The following CASD1 variants were observed in gnomAD, a reference collection of about 807,000 sequenced individuals.
CASD1 encodes CAS1 domain sialic acid O acetyltransferase 1.
Under a neutral mutation model 100.0 loss-of-function variants are expected in CASD1, and 41 were observed. The observed-to-expected ratio is 0.41, with a 90% CI of 0.32 to 0.53. The LOEUF (loss-of-function observed/expected upper bound fraction) is 0.53, where lower values mean the gene tolerates loss of function less well. CASD1 is among the 20% of genes least tolerant of loss of function. The probability of loss-of-function intolerance (pLI) is 0.25; values close to 1 mark genes in which losing one functional copy is unlikely to be tolerated. For missense variants in CASD1, 774 were observed against 948.7 expected (o/e 0.82, Z 2.42); for synonymous variants, 321 against 315.6 (o/e 1.02, Z -0.18).
At chr7:94,588,671 A>T in the CASD1 span, 1 of 1,580,758 alleles carries the variant, frequency 6.3e-7, no homozygotes, top group African/African-American at 1.3e-5. Flanking sequence ...ACATTAATTT[A>T]TTATTCTTAG....
chr7:94,614,516 G>A, the CASD1 span, among the ~76,000 whole-genome samples: 4 of 152,238 alleles, frequency 2.6e-5, no homozygotes, highest in South Asian at 4.1e-4. Flanking sequence ...TCCACACTAA[G>A]TAGAGTTCTG....
At chr7:94,582,856 T>G in the CASD1 span, among the ~76,000 whole-genome samples, 2 of 152,230 alleles carry the variant, frequency 1.3e-5, no homozygotes, top group African/African-American at 4.8e-5. Context: ...CTATGTCTAA[T>G]TTGGCTCACC....
chr7:94,545,296 A>C (rs1012757379), intron 11 of CASD1, among the ~76,000 whole-genome samples: 2 of 152,114 alleles, frequency 1.3e-5, no homozygotes, highest in Non-Finnish European at 2.9e-5. Context: ...TTATAGCCAG[A>C]GGACAGCTCA....
chr7:94,618,469 C>G, the CASD1 span: 1 of 309,538 alleles, frequency 3.2e-6, no homozygotes, highest in Non-Finnish European at 5.9e-6. Flanking sequence ...ATTCATGGCC[C>G]TAAATAATCA....
chr7:94,623,576 A>C, the CASD1 span: 13 of 592,782 alleles, frequency 2.2e-5, 1 homozygote, highest in African/African-American at 2.2e-4. Flanking sequence ...TATTATGGGA[A>C]AATAAATAAT....
At chr7:94,544,764 A>T (rs971115230) in intron 11 of CASD1, among the ~76,000 whole-genome samples, 4 of 152,296 alleles carry the variant, frequency 2.6e-5, no homozygotes, top group Admixed American at 2.6e-4. Flanking sequence ...CACAGGAGAC[A>T]GCATTGCTGA....
rs906372661 is a variant in CASD1 at position 94,556,998 on chromosome 7, T to A, written c.*1240T>A. The A allele has an allele frequency of 1.3e-5, 2 of 152,106 alleles. No homozygotes were observed. The highest frequency in any genetic ancestry group is 2.9e-5 in the Non-Finnish European group (2 of 67,960). The allele number at this position is 152,106 out of a possible 1,614,324, so 9.4% of individuals were successfully genotyped here. A position where few individuals can be genotyped will look rare whatever the true frequency, so the allele number is the denominator to read the frequency against. On this transcript the variant is annotated 3_prime_UTR_variant, in exon 18 of 18. Transcript: ENST00000297273. ...TGTATTGGCAAAGTATCAATTAAAC[T>A]ATATGTGTTCTTTTTCAAAAATGCT...
At chr7:94,588,524 A>G in the CASD1 span, 1 of 1,454,056 alleles carries the variant, frequency 6.9e-7, no homozygotes, top group African/African-American at 1.4e-5. Flanking sequence ...AATCTATGTA[A>G]TAATCTAAGC....
chr7:94,523,905 CT>C (rs1794415092), intron 3 of CASD1, among the ~76,000 whole-genome samples: 1 of 152,070 alleles, frequency 6.6e-6, no homozygotes, highest in Admixed American at 6.5e-5. Context: ...TATAAAATGA[CT>C]TTAAAAGTAA....
chr7:94,518,378 A>C, intron 3 of CASD1, 55 bp downstream of exon 3: 1 of 1,433,538 alleles, frequency 7.0e-7, no homozygotes, highest in Non-Finnish European at 9.4e-7. Context: ...CCAACTGAAT[A>C]GTTACAGGAG....
the CASD1 span, among the ~76,000 whole-genome samples, chr7:94,580,133 A>G: frequency 6.6e-6 from 1 of 152,172 alleles, no homozygotes; most frequent in Admixed American, 6.5e-5. Flanking sequence ...GTATAACCAC[A>G]CCCATTCTGC....
chr7:94,526,252 C>T (rs1439860332), intron 3 of CASD1, among the ~76,000 whole-genome samples: 2 of 152,222 alleles, frequency 1.3e-5, no homozygotes, highest in Non-Finnish European at 2.9e-5. Context: ...TTGCTCCACA[C>T]AGTCATTCAG....
the CASD1 span, among the ~76,000 whole-genome samples, chr7:94,577,901 G>C: frequency 6.6e-6 from 1 of 152,152 alleles, no homozygotes; most frequent in Non-Finnish European, 1.5e-5. Flanking sequence ...TTCATTAGAG[G>C]CTTAGAAGGA....
intron 4 of CASD1, 24 bp from the exon 5 acceptor site, chr7:94,528,164 T>A: frequency 6.5e-7 from 1 of 1,530,724 alleles, no homozygotes; most frequent in African/African-American, 1.4e-5. Context: ...AACTTTTTCT[T>A]TACTTCTAAC....
the CASD1 span, among the ~76,000 whole-genome samples, chr7:94,631,170 C>A: frequency 6.6e-6 from 1 of 151,930 alleles, no homozygotes; most frequent in Non-Finnish European, 1.5e-5. Context: ...CATAAGTGAT[C>A]TTCCCCTGTG....
chr7:94,597,296 G>C, the CASD1 span: 1 of 152,128 alleles, frequency 6.6e-6, no homozygotes, highest in Non-Finnish European at 1.5e-5. Context: ...ACCTTAGTCT[G>C]TATGACCCTA....
chr7:94,584,843 T>C, the CASD1 span: 5 of 152,168 alleles, frequency 3.3e-5, no homozygotes, highest in East Asian at 9.6e-4. Flanking sequence ...TGCTTCTAGA[T>C]CCAAATGTCC....
chr7:94,545,473 T>C, intron 11 of CASD1, 72 bp from the exon 12 acceptor site: 2 of 1,177,692 alleles, frequency 1.7e-6, no homozygotes, highest in Non-Finnish European at 2.5e-6. Context: ...AAAATCTGCC[T>C]TTGCTGTTCG....
chr7:94,568,450 A>G, the CASD1 span, among the ~76,000 whole-genome samples: 2 of 152,234 alleles, frequency 1.3e-5, no homozygotes, highest in African/African-American at 4.8e-5. Context: ...AAAATCCAGA[A>G]GTCATAAAAG....
Sources: allele counts gnomAD v4.1 joint callset (sites outside exome capture counted in the v4.1 genomes callset), GRCh38; gene constraint gnomAD v4.1.1; transcripts MANE v1.5; gene names NCBI Gene and HGNC (gene_info 2026-07-23, HGNC 2026-07-21).